The following SLC9A9 variants were observed in gnomAD, a reference collection of about 807,000 sequenced individuals.
SLC9A9 encodes the protein sodium/hydrogen exchanger 9.
SLC9A9 carries 62 observed loss-of-function variants against 77.8 expected under a neutral mutation model. That is an observed-to-expected ratio of 0.80 (90% CI 0.65 to 0.98). The LOEUF (loss-of-function observed/expected upper bound fraction) is 0.98, where lower values mean the gene tolerates loss of function less well. Ranked by LOEUF, SLC9A9 falls within the 50% of genes least tolerant of loss-of-function variation. The pLI, the probability that SLC9A9 is intolerant of heterozygous loss-of-function variation, is 0.00. For synonymous variants in SLC9A9, 320 were observed against 283.5 expected, an observed-to-expected ratio of 1.13 and a Z score of -1.29; for missense variants, 775 against 774.9, an observed-to-expected ratio of 1.00 and a Z score of 0.00.
chr3:143,566,284 A>G (rs2037166323), intron 8 of SLC9A9, among the ~76,000 whole-genome samples: 1 of 152,142 alleles, frequency 6.6e-6, no homozygotes. Context: ...TATCATGGCA[A>G]TGTAATTAGG....
intron 2 of SLC9A9, among the ~76,000 whole-genome samples, chr3:143,826,213 C>T (rs551574321): frequency 4.4e-4 from 66 of 150,996 alleles, no homozygotes; most frequent in African/African-American, 1.6e-3. Context: ...GAGCTGGAAT[C>T]GTACCACTGT....
intron 14 of SLC9A9, among the ~76,000 whole-genome samples, chr3:143,348,053 C>T (rs181186189): frequency 2.0e-5 from 3 of 148,518 alleles, no homozygotes; most frequent in East Asian, 3.9e-4. Context: ...CTTACTCTGT[C>T]GCCAGGCTGG....
chr3:143,336,000 T>C (rs2031909090), intron 14 of SLC9A9, among the ~76,000 whole-genome samples: 1 of 152,162 alleles, frequency 6.6e-6, no homozygotes, highest in African/African-American at 2.4e-5. Context: ...AAGAAAATAT[T>C]TGCAAACCAC....
In SLC9A9 at chr3:143,412,765, C is replaced by T. The variant is rs773292449; in HGVS notation, c.1470-30651G>A. On this transcript the variant is annotated intron_variant, in intron 12 of 15. Transcript: ENST00000316549. ...CCTTTTCTTAGATTTTCTGTGCAAC[C>T]GTCTCCCTCTTCCACCCCAAACTCT... 3.3e-5 allele frequency among the ~76,000 whole-genome samples: 5 copies of T among 152,308 alleles called. 1 individual carries two copies. In the South Asian group the frequency reaches 6.2e-4, roughly 19 times the overall value.
rs1209353673 is a variant in SLC9A9, at chr3:143,449,036, TA to T, written c.1469+18000del. Among the ~76,000 whole-genome samples, 7 of 38,050 alleles carry T rather than the reference TA, an allele frequency of 1.8e-4. 2 individuals carry two copies. The highest frequency in any genetic ancestry group is 8.1e-4 in the African/African-American group (5 of 6,176). 25.0% of individuals were successfully genotyped at this position (38,050 alleles called of 152,430 possible). On this transcript the variant is annotated intron_variant, in intron 12 of 15. Coordinates refer to ENST00000316549, the MANE Select transcript of SLC9A9 (RefSeq NM_173653.4). ...ATATAATTATAATTATATAATTATATAAAATATAATTATATTATATAATTAT... is the reference window on the plus strand; with the variant it reads ...ATATAATTATAATTATATAATTATATAAATATAATTATATTATATAATTAT...
At chr3:143,533,764 G>A (rs2036549907) in intron 9 of SLC9A9, among the ~76,000 whole-genome samples, 2 of 152,218 alleles carry the variant, frequency 1.3e-5, no homozygotes, top group Non-Finnish European at 2.9e-5. Context: ...TGTAGTTAAA[G>A]TGAAATGGCA....
chr3:143,555,589 C>T (rs1362717703), intron 8 of SLC9A9, among the ~76,000 whole-genome samples: 1 of 152,154 alleles, frequency 6.6e-6, no homozygotes, highest in African/African-American at 2.4e-5. Context: ...CATAGCATCC[C>T]TGTGCTTTTC....
chr3:143,527,310 A>G, intron 9 of SLC9A9, among the ~76,000 whole-genome samples: 1 of 152,372 alleles, frequency 6.6e-6, no homozygotes, highest in East Asian at 1.9e-4. Flanking sequence ...ATTGAAGCAC[A>G]GTACCTCTAA....
chr3:143,828,338 C>A (rs993475601), intron 2 of SLC9A9, among the ~76,000 whole-genome samples: 10 of 152,084 alleles, frequency 6.6e-5, no homozygotes, highest in African/African-American at 2.2e-4. Flanking sequence ...TTTATTCATT[C>A]ATTCATTGTT....
chr3:143,303,042 G>A (rs1402946818), intron 14 of SLC9A9, among the ~76,000 whole-genome samples: 2 of 152,176 alleles, frequency 1.3e-5, no homozygotes, highest in African/African-American at 4.8e-5. Flanking sequence ...GGGACAACTG[G>A]CTCTCCAGGC....
chr3:143,413,192 A>G (rs2034129656), intron 12 of SLC9A9, among the ~76,000 whole-genome samples: 1 of 152,096 alleles, frequency 6.6e-6, no homozygotes, highest in African/African-American at 2.4e-5. Flanking sequence ...ATTGCCTGGG[A>G]GTGTGAAGGC....
At chr3:143,739,840 AC>A (rs1935035104) in intron 4 of SLC9A9, among the ~76,000 whole-genome samples, 1 of 152,078 alleles carries the variant, frequency 6.6e-6, no homozygotes, top group Non-Finnish European at 1.5e-5. Flanking sequence ...CTCAGGCCCC[AC>A]CCCAGACTTA....
At chr3:143,350,953 A>T (rs917783653) in intron 14 of SLC9A9, among the ~76,000 whole-genome samples, 2 of 152,212 alleles carry the variant, frequency 1.3e-5, no homozygotes, top group African/African-American at 4.8e-5. Flanking sequence ...TTTCCAAAAT[A>T]AACCCAGAAT....
At chr3:143,768,321 A>G (rs2007399960) in intron 4 of SLC9A9, among the ~76,000 whole-genome samples, 1 of 152,216 alleles carries the variant, frequency 6.6e-6, no homozygotes, top group African/African-American at 2.4e-5. Context: ...CATTATTCTA[A>G]GAGTGTCATG....
At chr3:143,427,341 T>C (rs965306282) in intron 12 of SLC9A9, among the ~76,000 whole-genome samples, 2 of 152,214 alleles carry the variant, frequency 1.3e-5, no homozygotes, top group Non-Finnish European at 2.9e-5. Context: ...TGCCACATAA[T>C]TAAAACCATA....
intron 8 of SLC9A9, among the ~76,000 whole-genome samples, chr3:143,553,870 C>T (rs1036856274): frequency 6.6e-6 from 1 of 152,196 alleles, no homozygotes; most frequent in Non-Finnish European, 1.5e-5. Context: ...AACTATTTTA[C>T]TATTCACAGA....
intron 14 of SLC9A9, among the ~76,000 whole-genome samples, chr3:143,337,024 T>C (rs1236081829): frequency 6.6e-6 from 1 of 152,174 alleles, no homozygotes. Context: ...GTTCCTTTTA[T>C]TTGTAAAACT....
intron 10 of SLC9A9, among the ~76,000 whole-genome samples, chr3:143,494,415 G>A (rs1319283035): frequency 6.6e-6 from 1 of 152,198 alleles, no homozygotes; most frequent in Non-Finnish European, 1.5e-5. Context: ...TCCTCAATGG[G>A]ACGGAGTTAT....
intron 2 of SLC9A9, among the ~76,000 whole-genome samples, chr3:143,828,489 C>T (rs2009355460): frequency 6.6e-6 from 1 of 151,736 alleles, no homozygotes; most frequent in Admixed American, 6.6e-5. Context: ...AAAAAGCAAG[C>T]AAATACATGT....
Sources: gnomAD v4.1 joint callset for allele counts (sites outside exome capture counted in the v4.1 genomes callset) on GRCh38, gnomAD v4.1.1 for gene constraint, MANE v1.5 for transcripts, NCBI Gene and HGNC (gene_info 2026-07-23, HGNC 2026-07-21) for gene names.